Variants in A2ML1 observed in about 807,000 individuals in gnomAD.
The protein encoded by A2ML1 is alpha-2-macroglobulin-like protein 1.
A neutral mutation model predicts 181.9 loss-of-function variants in A2ML1; 161 were observed. That is an observed-to-expected ratio of 0.89 (90% confidence interval 0.78 to 1.01). The LOEUF is 1.01. A2ML1 is among the 50% of genes least tolerant of loss of function. The pLI is 0.00. For missense variants in A2ML1, 1,670 were observed against 1,768.1 expected, an observed-to-expected ratio of 0.94 and a Z score of 1.00; for synonymous variants, 663 against 666.8, an observed-to-expected ratio of 0.99 and a Z score of 0.09.
In A2ML1 at chr12:8,864,573, A is replaced by G. The variant is rs1397982579; in HGVS notation, c.3717+565A>G. ...GGTCCATGTTTTACATGCAAGTAGGATATATATAATTATGGCTAAATGTAC... is the reference window on the plus strand; with the variant it reads ...GGTCCATGTTTTACATGCAAGTAGGGTATATATAATTATGGCTAAATGTAC... On this transcript the variant is annotated intron_variant, in intron 29 of 35. Coordinates refer to ENST00000299698, the MANE Select transcript of A2ML1 (RefSeq NM_144670.6). Among the ~76,000 whole-genome samples, 22 of 14,230 alleles carry G rather than the reference A, an allele frequency of 1.5e-3. 9 individuals are homozygous for G. Among genetic ancestry groups the G allele is most frequent in the African/African-American group, 1.6e-3 (22 of 13,394 alleles). 9.3% of individuals were successfully genotyped at this position (14,230 alleles called of 152,430 possible).
intron 10 of A2ML1, among the ~76,000 whole-genome samples, chr12:8,840,421 T>C (rs917141714): frequency 6.6e-6 from 1 of 152,044 alleles, no homozygotes; most frequent in Non-Finnish European, 1.5e-5. Context: ...CTTTCTGATA[T>C]CTAACTGAAT....
chr12:8,831,613 G>A (rs73036972), intron 4 of A2ML1, among the ~76,000 whole-genome samples: 3,674 of 152,278 alleles, frequency 0.024, 80 homozygotes, highest in African/African-American at 0.064. Context: ...GCTTAGACAG[G>A]GTTGATTTAT....
chr12:8,822,790 A>G (rs1942785997), intron 1 of A2ML1, 77 bp downstream of exon 1: 7 of 1,369,532 alleles, frequency 5.1e-6, no homozygotes, highest in Non-Finnish European at 7.3e-6. Flanking sequence ...TTATATGGAG[A>G]TGGGGAGATC....
chr12:8,824,614 AT>A (rs1208849817), intron 3 of A2ML1, among the ~76,000 whole-genome samples: 4 of 151,984 alleles, frequency 2.6e-5, no homozygotes, highest in African/African-American at 9.7e-5. Flanking sequence ...AGCTAAATAT[AT>A]TTTTGTACCC....
intron 12 of A2ML1, among the ~76,000 whole-genome samples, chr12:8,843,885 A>G (rs997386287): frequency 6.6e-6 from 1 of 151,392 alleles, no homozygotes; most frequent in South Asian, 2.1e-4. Context: ...CGCCCAGCTA[A>G]TTTTTTTTGT....
At chr12:8,887,185 C>A (rs1944929597), downstream of A2ML1, among the ~76,000 whole-genome samples, 1 of 151,506 alleles carries the variant, frequency 6.6e-6, no homozygotes, top group Non-Finnish European at 1.5e-5. Context: ...AACAAAAAAA[C>A]CCATATAAAT....
At chr12:8,833,973 T>C (rs1220285773) in intron 4 of A2ML1, among the ~76,000 whole-genome samples, 1 of 152,128 alleles carries the variant, frequency 6.6e-6, no homozygotes, top group East Asian at 1.9e-4. Flanking sequence ...CTTGATTTCA[T>C]TTTCTTCTTT....
In A2ML1 at chr12:8,840,484, A is replaced by G. The variant is rs747777357; in HGVS notation, c.1081-885A>G. ...TACTTCTTGTACAGCTGGTCCACAC[A>G]ATAATATTGCACACATAGAGATGCA... On this transcript the variant is annotated intron_variant, in intron 10 of 35. Transcript: ENST00000299698. Among the ~76,000 whole-genome samples, 233 of 152,300 alleles carry G rather than the reference A, an allele frequency of 1.5e-3. 2 individuals carry two copies. Among genetic ancestry groups the G allele is most frequent in the African/African-American group, 5.5e-3 (229 of 41,562 alleles).
At chr12:8,880,096 G>A (rs1944855291), downstream of A2ML1, among the ~76,000 whole-genome samples, 1 of 152,204 alleles carries the variant, frequency 6.6e-6, no homozygotes, top group Non-Finnish European at 1.5e-5. Flanking sequence ...AGGTGTGGTG[G>A]CTCATGCCTG....
At chr12:8,823,146 CATT>C (rs1942799535) in intron 1 of A2ML1, 33 bp from the exon 2 acceptor site, 1 of 1,595,082 alleles carries the variant, frequency 6.3e-7, no homozygotes, top group Non-Finnish European at 8.6e-7. Context: ...GTGAATGAAT[CATT>C]ATTGCCCTGA....
Position 8,823,818 on chromosome 12 carries a change from T to C in A2ML1, c.345T>C (p.Ile115=), listed in dbSNP as rs1565458690. Residue 115 remains isoleucine (I), a synonymous_variant, in exon 3 of 36, where the codon ATT becomes ATC. Transcript: ENST00000299698. ...ISFEEKKKVL[I]QRQGNGTFVQ... is the part of the protein sequence containing the mutation. ...TTGAGGAGAAGAAAAAGGTTCTAATTCAGAGGCAGGGGAACGGCACCTTTG... is the reference window on the plus strand; with the variant it reads ...TTGAGGAGAAGAAAAAGGTTCTAATCCAGAGGCAGGGGAACGGCACCTTTG... 6.2e-7 allele frequency: 1 copy of C among 1,614,008 alleles called. No homozygotes were observed. The highest frequency in any genetic ancestry group is 8.5e-7 in the Non-Finnish European group (1 of 1,180,000).
At chr12:8,844,760 G>A (rs190726702) in intron 12 of A2ML1, among the ~76,000 whole-genome samples, 3 of 152,208 alleles carry the variant, frequency 2.0e-5, no homozygotes, top group African/African-American at 4.8e-5. Context: ...AAAATAACAA[G>A]TCCAGTGATA....
chr12:8,880,987 A>G (rs1223539117), downstream of A2ML1, among the ~76,000 whole-genome samples: 2 of 152,186 alleles, frequency 1.3e-5, no homozygotes, highest in African/African-American at 4.8e-5. Flanking sequence ...AAACAACACG[A>G]TGGGTAAATT....
chr12:8,852,157 C>G lies in A2ML1; in HGVS notation c.2464-53C>G. The G allele has an allele frequency of 6.2e-7, 1 of 1,610,520 alleles. No individual in the cohort carries two copies. Among genetic ancestry groups the G allele is most frequent in the East Asian group, 2.2e-5 (1 of 44,844 alleles). Reference sequence around the variant, plus strand: ...TCAGCCCCCAGGTTTCCCCAGGCCTCTATGCACTACCTCCTTTGTTTGTAC... The same window carrying G: ...TCAGCCCCCAGGTTTCCCCAGGCCTGTATGCACTACCTCCTTTGTTTGTAC... On this transcript the variant is annotated intron_variant, in intron 19 of 35. Coordinates refer to ENST00000299698, the MANE Select transcript of A2ML1 (RefSeq NM_144670.6). This position sits in a 1 kb window ranked among gnomAD's most constrained non-coding sequence, Gnocchi z 4.2.
At chr12:8,877,096 T>C (rs1463346522), downstream of A2ML1, among the ~76,000 whole-genome samples, 1 of 152,234 alleles carries the variant, frequency 6.6e-6, no homozygotes, top group Non-Finnish European at 1.5e-5. Flanking sequence ...CCACATGGGC[T>C]ATCTATCACC....
At chr12:8,822,811 T>G in intron 1 of A2ML1, 98 bp downstream of exon 1, 1 of 1,135,622 alleles carries the variant, frequency 8.8e-7, no homozygotes, top group Non-Finnish European at 1.3e-6. Flanking sequence ...AACTTTGGTT[T>G]ATCTTAATTT....
chr12:8,857,585 C>A lies in A2ML1; in HGVS notation c.3104C>A (p.Thr1035Lys), dbSNP rs374091844. The change falls in exon 25 of 36, where the codon ACA becomes AAA. Residue 1035 changes from threonine to lysine, a missense_variant. Coordinates refer to ENST00000299698, the MANE Select transcript of A2ML1 (RefSeq NM_144670.6). ...AFGERDGNGNTWLTAFVTKCF... is the reference protein window; with the variant it reads ...AFGERDGNGNKWLTAFVTKCF... ...GGGGAGCGAGATGGAAATGGAAACA[C>A]ATGGTAATATCACCCAATTCCCAAT... is the stretch of plus-strand genomic sequence containing the variant. 17 of 1,610,262 alleles carry A rather than the reference C, an allele frequency of 1.1e-5. No homozygotes were observed. The African/African-American group carries it at 2.1e-4, about 20-fold the overall frequency.
rs759759264 is a variant in A2ML1, at chr12:8,843,150, AAG to A, written c.1267_1268del (p.Asp423LeufsTer4). ...TATTCTCAGGGAAAGTTTCAAATGG[AAG>A]ACTTAGTATATAATCCGGAACAAGT... On this transcript the variant is annotated frameshift_variant, in exon 12 of 36. Transcript: ENST00000299698. LOFTEE classifies it high-confidence loss of function. The A allele has an allele frequency of 6.2e-7, 1 of 1,614,088 alleles. No homozygotes were observed. Among genetic ancestry groups the A allele is most frequent in the East Asian group, 2.2e-5 (1 of 44,880 alleles).
rs1944120449 is a variant in A2ML1 at position 8,857,791 on chromosome 12, T to C, written c.3108-155T>C. 5 of 1,178,474 alleles carry C rather than the reference T, an allele frequency of 4.2e-6. No homozygotes were observed. In the South Asian group the frequency reaches 4.4e-5, roughly 10 times the overall value. The allele number at this position is 1,178,474 out of a possible 1,614,324, so 73.0% of individuals were successfully genotyped here. A position where few individuals can be genotyped will look rare whatever the true frequency, so the allele number is the denominator to read the frequency against. On this transcript the variant is annotated intron_variant, in intron 25 of 35. Coordinates refer to ENST00000299698, the MANE Select transcript of A2ML1 (RefSeq NM_144670.6). ...TGTGCCTCCCCTGTTCTTGTCCTCA[T>C]TGGTGCCCATTAATGCCTCTCTTTT... is the stretch of plus-strand genomic sequence containing the variant.
Sources: allele counts gnomAD v4.1 joint callset (sites outside exome capture counted in the v4.1 genomes callset), GRCh38; gene constraint gnomAD v4.1.1; non-coding constraint Gnocchi (gnomAD v3.1); transcripts MANE v1.5; gene names NCBI Gene and HGNC (gene_info 2026-07-23, HGNC 2026-07-21).